NCOR2: variants seen among roughly 807,000 people sequenced by gnomAD.
NCOR2 encodes nuclear receptor corepressor 2, also known as CTG repeat protein 26.
NCOR2 carries 81 observed loss-of-function variants against 262.9 expected under a neutral mutation model. The ratio of observed to expected loss-of-function variants is 0.31; its 90% CI spans 0.26 to 0.37. NCOR2 has a LOEUF of 0.37. Among genes scored for constraint, NCOR2 ranks in the 10% least tolerant of loss-of-function variants. The pLI is 1.00. For missense variants in NCOR2, 3,385 were observed against 3,621.4 expected (o/e 0.93, Z 1.68); for synonymous variants, 1,659 against 1,559.3 (o/e 1.06, Z -1.51).
rs1206850022 is a variant in NCOR2 at position 124,354,231 on chromosome 12, C to A, written c.3590-35G>T. On this transcript the variant is annotated intron_variant, in intron 26 of 46. Coordinates refer to ENST00000405201, the Ensembl canonical transcript of NCOR2. ...ACAAGATGTGGGGCTGAGGGCGTGT[C>A]TGTGGCCCTTCCTTCCCCAGGCCCC... 4 of 1,544,146 alleles carry A rather than the reference C, an allele frequency of 2.6e-6. No homozygotes were observed. The African/African-American group carries it at 4.1e-5, about 16-fold the overall frequency.
At chr12:124,381,422 A>G (rs1486565980) in intron 17 of NCOR2, among the ~76,000 whole-genome samples, 2 of 151,344 alleles carry the variant, frequency 1.3e-5, no homozygotes, top group Non-Finnish European at 2.9e-5. Flanking sequence ...TTCTCATAGC[A>G]TCTTCAGACT....
intron 1 of NCOR2, among the ~76,000 whole-genome samples, chr12:124,533,521 C>T (rs1350269104): frequency 6.6e-6 from 1 of 152,120 alleles, no homozygotes; most frequent in Non-Finnish European, 1.5e-5. Flanking sequence ...CAGCCTGGTG[C>T]TCACCACCAA....
chr12:124,483,743 G>C lies in NCOR2; in HGVS notation c.264C>G (p.Ser88=). The C allele has an allele frequency of 6.2e-7, 1 of 1,609,642 alleles. No homozygotes were observed. The highest frequency in any genetic ancestry group is 1.7e-5 in the Admixed American group (1 of 59,470). Residue 88 remains serine, a synonymous_variant, in exon 3 of 47, where the codon TCC becomes TCG. Coordinates refer to ENST00000405201, the Ensembl canonical transcript of NCOR2. This position sits in a 1 kb window ranked among gnomAD's most constrained non-coding sequence, Gnocchi z 6.3. ...TCCCCAGCTCGGGCAGGTATGAGTG[G>C]GACTCTGGCCGCAGGTGGAGCTCCT...
chr12:124,401,503 T>C (rs2041982269), intron 14 of NCOR2, among the ~76,000 whole-genome samples: 1 of 152,212 alleles, frequency 6.6e-6, no homozygotes, highest in Non-Finnish European at 1.5e-5. Flanking sequence ...AGGAGCTATT[T>C]CCAGAGGGGC....
At chr12:124,493,617 A>C (rs968024723) in intron 1 of NCOR2, among the ~76,000 whole-genome samples, 1 of 152,230 alleles carries the variant, frequency 6.6e-6, no homozygotes, top group Non-Finnish European at 1.5e-5. Flanking sequence ...GATCAGGGGA[A>C]TGCACACAAC....
intron 4 of NCOR2, among the ~76,000 whole-genome samples, chr12:124,472,321 G>A (rs1036761664): frequency 6.6e-6 from 1 of 152,210 alleles, no homozygotes; most frequent in Non-Finnish European, 1.5e-5. Flanking sequence ...GGTTTCAACA[G>A]TGACAATGAG....
chr12:124,500,584 G>A (rs1230422354), intron 1 of NCOR2, among the ~76,000 whole-genome samples: 1 of 152,208 alleles, frequency 6.6e-6, no homozygotes, highest in East Asian at 1.9e-4. Flanking sequence ...ACTCTGCCCA[G>A]CGGAGGTGCA....
In NCOR2 at chr12:124,553,124, T is replaced by C. The variant is rs532478407; in HGVS notation, c.-165+14184A>G. Among the ~76,000 whole-genome samples, 6 of 152,340 alleles carry C rather than the reference T, an allele frequency of 3.9e-5. No homozygotes were observed. The South Asian group carries it at 1.0e-3, about 26-fold the overall frequency. On this transcript the variant is annotated intron_variant, in intron 1 of 32. Transcript: ENST00000458234. ...CCTGTCCATCACCCTTTATGGCTTC[T>C]AGCGGCTGCCTGCACTCCTTGGCTA...
intron 6 of NCOR2, among the ~76,000 whole-genome samples, chr12:124,455,562 A>C (rs1243883): frequency 0.96 from 146,453 of 152,336 alleles, 70,531 homozygotes; most frequent in East Asian, 1. Flanking sequence ...GTGGCCTCAA[A>C]AGACGGACCC....
intron 17 of NCOR2, chr12:124,383,657 C>T (rs899677410): frequency 1.0e-5 from 2 of 196,812 alleles, no homozygotes; most frequent in Non-Finnish European, 1.0e-5. Context: ...AGCGCTGCCC[C>T]TCTGGCAGGC....
At chr12:124,430,946 A>G (rs970899959) in intron 8 of NCOR2, among the ~76,000 whole-genome samples, 159 bp from the exon 11 acceptor site, 26 of 152,070 alleles carry the variant, frequency 1.7e-4, no homozygotes, top group Non-Finnish European at 2.6e-4. Flanking sequence ...CCACACAGAC[A>G]CATACATACA....
At chr12:124,423,323 G>T (rs1034032035) in intron 11 of NCOR2, among the ~76,000 whole-genome samples, 1 of 152,222 alleles carries the variant, frequency 6.6e-6, no homozygotes, top group Non-Finnish European at 1.5e-5. Flanking sequence ...CAGCCCCACA[G>T]CCTTCGCAGG....
rs1477230064 is a variant in NCOR2 at position 124,354,313 on chromosome 12, C to T, written c.3590-117G>A. 2.0e-5 allele frequency: 24 copies of T among 1,218,212 alleles called. No homozygotes were observed. The South Asian group carries it at 2.5e-4, about 13-fold the overall frequency. 75.5% of individuals were successfully genotyped at this position (1,218,212 alleles called of 1,614,324 possible). ...ACAAGTTGTGCTAGTTGTTTCAACG[C>T]AGAGGGAGTCCCCCTACCCCTAAAT... On this transcript the variant is annotated intron_variant, in intron 26 of 46. Coordinates refer to ENST00000405201, the Ensembl canonical transcript of NCOR2.
intron 1 of NCOR2, among the ~76,000 whole-genome samples, chr12:124,526,455 G>A (rs1321911252): frequency 6.6e-6 from 1 of 152,168 alleles, no homozygotes; most frequent in African/African-American, 2.4e-5. Context: ...CCACTGCCTC[G>A]TACAGGACCT....
At chr12:124,556,752 G>T (rs1003395471) in intron 1 of NCOR2, among the ~76,000 whole-genome samples, 1 of 152,072 alleles carries the variant, frequency 6.6e-6, no homozygotes, top group African/African-American at 2.4e-5. Flanking sequence ...GGTGGCTGAG[G>T]CAGGAGAATC....
intron 12 of NCOR2, among the ~76,000 whole-genome samples, chr12:124,420,631 T>C (rs1402558355): frequency 6.6e-6 from 1 of 152,216 alleles, no homozygotes; most frequent in African/African-American, 2.4e-5. Context: ...TCCATGTAGA[T>C]TGGGTCTGAA....
At chr12:124,460,067 C>T (rs2046086088) in intron 5 of NCOR2, among the ~76,000 whole-genome samples, 1 of 152,228 alleles carries the variant, frequency 6.6e-6, no homozygotes, top group Non-Finnish European at 1.5e-5. Flanking sequence ...CGGTCCACCT[C>T]CCTCGACCAC....
At chr12:124,399,300 G>C (rs1356845875) in intron 15 of NCOR2, among the ~76,000 whole-genome samples, 2 of 152,144 alleles carry the variant, frequency 1.3e-5, no homozygotes, top group Non-Finnish European at 2.9e-5. Context: ...GGTGCCAGGG[G>C]TGCTGAGGGT....
chr12:124,473,163 G>A (rs1297110345), intron 3 of NCOR2, 32 bp from the exon 6 acceptor site: 1 of 1,610,934 alleles, frequency 6.2e-7, no homozygotes, highest in Non-Finnish European at 8.5e-7. Flanking sequence ...CATGGGGTCA[G>A]CACAGGGGAC....
Sources: allele counts gnomAD v4.1 joint callset (sites outside exome capture counted in the v4.1 genomes callset), GRCh38; gene constraint gnomAD v4.1.1; non-coding constraint Gnocchi (gnomAD v3.1); transcripts MANE v1.5; gene names NCBI Gene and HGNC (gene_info 2026-07-23, HGNC 2026-07-21).